The following ST6GALNAC3 variants were observed in gnomAD, a reference collection of about 807,000 sequenced individuals.
ST6GALNAC3 encodes the protein ST6 N-acetylgalactosaminide alpha-2,6-sialyltransferase 3.
ST6GALNAC3 carries 25 observed loss-of-function variants against 32.7 expected under a neutral mutation model. That is an observed-to-expected ratio of 0.76 (90% CI 0.56 to 1.07). The LOEUF (loss-of-function observed/expected upper bound fraction) is 1.07. Among genes scored for constraint, ST6GALNAC3 ranks in the 50% least tolerant of loss-of-function variants. The probability of loss-of-function intolerance (pLI) is 0.00; values close to 1 mark genes in which losing one functional copy is unlikely to be tolerated. For synonymous variants in ST6GALNAC3, 129 were observed against 133.1 expected (o/e 0.97, Z 0.21); for missense variants, 355 against 382.4 (o/e 0.93, Z 0.60).
intron 3 of ST6GALNAC3, among the ~76,000 whole-genome samples, chr1:76,616,631 G>T (rs900242143): frequency 6.6e-6 from 1 of 152,140 alleles, no homozygotes; most frequent in African/African-American, 2.4e-5. Flanking sequence ...AGGCTTTAAA[G>T]CTTCCTCTTT....
intron 2 of ST6GALNAC3, among the ~76,000 whole-genome samples, chr1:76,357,306 T>C (rs2101040528): frequency 6.6e-6 from 1 of 152,144 alleles, no homozygotes; most frequent in East Asian, 1.9e-4. Context: ...AGCTACTTTT[T>C]TGTATTTTTA....
intron 1 of ST6GALNAC3, among the ~76,000 whole-genome samples, chr1:76,119,478 G>C (rs1186307708): frequency 6.6e-6 from 1 of 152,174 alleles, no homozygotes; most frequent in Non-Finnish European, 1.5e-5. Context: ...TCACATAACA[G>C]CATGCAGTGA....
intron 1 of ST6GALNAC3, among the ~76,000 whole-genome samples, chr1:76,207,545 AAGAC>A (rs1456744973): frequency 1.3e-5 from 2 of 152,222 alleles, no homozygotes; most frequent in African/African-American, 4.8e-5. Context: ...GGTTCATCCC[AAGAC>A]AGAAGGCATC....
chr1:76,274,725 T>G (rs1252778115), intron 1 of ST6GALNAC3, among the ~76,000 whole-genome samples: 11 of 152,188 alleles, frequency 7.2e-5, no homozygotes, highest in Non-Finnish European at 1.6e-4. Context: ...ACATAGGTAT[T>G]TTAAAGAGAT....
intron 2 of ST6GALNAC3, among the ~76,000 whole-genome samples, chr1:76,317,516 A>G (rs192924100): frequency 1.1e-4 from 17 of 152,270 alleles, no homozygotes; most frequent in African/African-American, 3.6e-4. Flanking sequence ...GCTTAGCTGA[A>G]CTGAGTCAGG....
At chr1:76,434,477 T>G (rs1655991072) in intron 3 of ST6GALNAC3, among the ~76,000 whole-genome samples, 1 of 152,178 alleles carries the variant, frequency 6.6e-6, no homozygotes, top group Admixed American at 6.6e-5. Flanking sequence ...AGCTGTGTAC[T>G]AAAAATCCTG....
chr1:76,142,986 C>T, intron 1 of ST6GALNAC3: 1 of 400,046 alleles, frequency 2.5e-6, no homozygotes, highest in Non-Finnish European at 5.0e-6. Context: ...ACAGCCAGAA[C>T]CGGCAGAGGG....
At chr1:76,467,495 A>C (rs533064933) in intron 3 of ST6GALNAC3, among the ~76,000 whole-genome samples, 1 of 152,136 alleles carries the variant, frequency 6.6e-6, no homozygotes, top group South Asian at 2.1e-4. Flanking sequence ...AAAGCATGGT[A>C]TAGTCAGATG....
At chr1:76,448,500 G>A (rs1233187049) in intron 3 of ST6GALNAC3, among the ~76,000 whole-genome samples, 1 of 152,148 alleles carries the variant, frequency 6.6e-6, no homozygotes. Flanking sequence ...AGGGGCCAGA[G>A]GTGAAATGAT....
chr1:76,267,114 G>T (rs541890851), intron 1 of ST6GALNAC3, among the ~76,000 whole-genome samples: 1 of 152,154 alleles, frequency 6.6e-6, no homozygotes, highest in South Asian at 2.1e-4. Context: ...AATGCCGTAG[G>T]GCTTGACAGC....
intron 1 of ST6GALNAC3, 155 bp downstream of exon 1, chr1:76,075,039 G>A (rs1646793968): frequency 2.1e-6 from 2 of 956,982 alleles, no homozygotes; most frequent in African/African-American, 1.6e-5. Context: ...CATATGGAGG[G>A]AGATTCTGAA....
At chr1:76,349,552 G>A (rs754616932) in intron 2 of ST6GALNAC3, among the ~76,000 whole-genome samples, 1 of 152,126 alleles carries the variant, frequency 6.6e-6, no homozygotes, top group African/African-American at 2.4e-5. Context: ...GGTAAGGACT[G>A]GGGGTGGTAT....
At chr1:76,309,890 G>T (rs185703499) in intron 1 of ST6GALNAC3, 1 of 453,146 alleles carries the variant, frequency 2.2e-6, no homozygotes, top group African/African-American at 2.0e-5. Context: ...GCAGACATGG[G>T]TTGCCAGGGA....
chr1:76,297,942 T>A (rs1660502199), intron 1 of ST6GALNAC3, among the ~76,000 whole-genome samples: 1 of 151,908 alleles, frequency 6.6e-6, no homozygotes. Context: ...GTAAAGTTTC[T>A]AGGGTTGTAC....
At chr1:76,543,124 G>C (rs1664089845) in intron 3 of ST6GALNAC3, among the ~76,000 whole-genome samples, 1 of 152,126 alleles carries the variant, frequency 6.6e-6, no homozygotes, top group Non-Finnish European at 1.5e-5. Context: ...AACACAGATA[G>C]CAAATAGCCC....
chr1:76,523,566 G>T (rs1311325033), intron 3 of ST6GALNAC3, among the ~76,000 whole-genome samples: 1 of 152,152 alleles, frequency 6.6e-6, no homozygotes, highest in African/African-American at 2.4e-5. Context: ...TAGAAGTTTT[G>T]ATTAAGATTC....
intron 3 of ST6GALNAC3, among the ~76,000 whole-genome samples, chr1:76,495,921 A>C (rs1385796409): frequency 6.6e-6 from 1 of 152,198 alleles, no homozygotes; most frequent in Non-Finnish European, 1.5e-5. Flanking sequence ...TTTGAGTTTA[A>C]GTAACAAGTT....
At position 76,277,568 on chromosome 1, in the gene ST6GALNAC3, ACACACACACATATGTTTATGTG is replaced by A. The variant is rs1391304915; in HGVS notation, c.19-36236_19-36215del. ...TATATATATATATATATATATATATACACACACACATATGTTTATGTGTATATATATATATATATATATACAC... is the reference window on the plus strand; with the variant it reads ...TATATATATATATATATATATATATATATATATATATATATATATATACAC... On this transcript the variant is annotated intron_variant, in intron 1 of 4. Transcript: ENST00000328299. Among the ~76,000 whole-genome samples the A allele has an allele frequency of 2.3e-4, 12 of 51,646 alleles. No individual in the cohort carries two copies. In the East Asian group the frequency reaches 0.012, roughly 51 times the overall value. The allele number at this position is 51,646 out of a possible 152,430, so 33.9% of individuals were successfully genotyped here.
rs1292276797 is a variant in ST6GALNAC3 at position 76,509,835 on chromosome 1, C to T, written c.623+97418C>T. Among the ~76,000 whole-genome samples, 5 of 152,114 alleles carry T rather than the reference C, an allele frequency of 3.3e-5. No individual in the cohort carries two copies. The highest frequency in any genetic ancestry group is 6.6e-5 in the Admixed American group (1 of 15,262). On this transcript the variant is annotated intron_variant, in intron 3 of 4. Coordinates refer to ENST00000328299, the MANE Select transcript of ST6GALNAC3 (RefSeq NM_152996.4). The surrounding 1 kb of genome is among the most constrained non-coding windows in gnomAD (Gnocchi z 5.5). ...TTTCTCTATTTCTCTTTTAAGGACC[C>T]CCATGGTTACATTGGGCCAGAATAA...
Sources: allele counts gnomAD v4.1 joint callset (sites outside exome capture counted in the v4.1 genomes callset), GRCh38; gene constraint gnomAD v4.1.1; non-coding constraint Gnocchi (gnomAD v3.1); transcripts MANE v1.5; gene names NCBI Gene and HGNC (gene_info 2026-07-23, HGNC 2026-07-21).